HMOX2: variants seen among roughly 807,000 people sequenced by gnomAD.
HMOX2 encodes the protein heme oxygenase 2, also known as heme oxygenase (decycling) 2.
HMOX2 carries 30 observed loss-of-function variants against 33.7 expected under a neutral mutation model. The observed-to-expected ratio is 0.89, with a 90% CI of 0.67 to 1.21. The LOEUF (loss-of-function observed/expected upper bound fraction) is 1.21. HMOX2 is among the 50% of genes most tolerant of loss of function. HMOX2 has a pLI of 0.00. For missense variants in HMOX2, 403 were observed against 399.1 expected (o/e 1.01, Z -0.08); for synonymous variants, 155 against 155.0 (o/e 1.00, Z 0.00).
At chr16:4,490,197 A>G (rs921973573) in intron 1 of HMOX2, among the ~76,000 whole-genome samples, 4 of 152,168 alleles carry the variant, frequency 2.6e-5, no homozygotes, top group African/African-American at 4.8e-5. Context: ...ATTATCACTT[A>G]TGTTGTTTTT....
intron 4 of HMOX2, 104 bp downstream of exon 4, chr16:4,508,308 G>T: frequency 7.6e-7 from 1 of 1,320,658 alleles, no homozygotes; most frequent in Non-Finnish European, 1.0e-6. Context: ...TAGGACAGAT[G>T]AGCTGCAGGG....
At chr16:4,502,061 CA>C (rs1179269201) in intron 1 of HMOX2, among the ~76,000 whole-genome samples, 1 of 152,140 alleles carries the variant, frequency 6.6e-6, no homozygotes, top group Non-Finnish European at 1.5e-5. Context: ...CAGCAGATTA[CA>C]AAAAATTGCC....
intron 1 of HMOX2, among the ~76,000 whole-genome samples, chr16:4,493,766 A>G (rs902591113): frequency 3.9e-5 from 6 of 152,236 alleles, no homozygotes; most frequent in Non-Finnish European, 8.8e-5. Flanking sequence ...TGAACACATT[A>G]GTATTGTGCT....
chr16:4,497,265 G>T (rs1446253115), intron 1 of HMOX2, among the ~76,000 whole-genome samples: 1 of 152,132 alleles, frequency 6.6e-6, no homozygotes, highest in East Asian at 1.9e-4. Flanking sequence ...TTCAGTGTTG[G>T]AATAATTTTT....
intron 1 of HMOX2, among the ~76,000 whole-genome samples, chr16:4,479,187 T>G (rs1336002948): frequency 6.6e-6 from 1 of 151,992 alleles, no homozygotes; most frequent in African/African-American, 2.4e-5. Context: ...GAACAATAAG[T>G]AGGATGCTAG....
At chr16:4,488,988 G>A (rs11645519) in intron 1 of HMOX2, among the ~76,000 whole-genome samples, 82,447 of 151,930 alleles carry the variant, frequency 0.54, 25,738 homozygotes, top group Non-Finnish European at 0.7. Flanking sequence ...ACCACGCCCA[G>A]CTAATTTTTG....
intron 1 of HMOX2, among the ~76,000 whole-genome samples, chr16:4,481,309 A>G (rs1271994919): frequency 6.7e-6 from 1 of 149,130 alleles, no homozygotes; most frequent in African/African-American, 2.5e-5. Flanking sequence ...AGATCGCGCC[A>G]CTGCGCTCCA....
intron 1 of HMOX2, among the ~76,000 whole-genome samples, chr16:4,484,971 T>G (rs902534045): frequency 6.6e-6 from 1 of 151,564 alleles, no homozygotes; most frequent in Non-Finnish European, 1.5e-5. Flanking sequence ...CCCTGAAGAT[T>G]GATTGGTTGA....
intron 1 of HMOX2, among the ~76,000 whole-genome samples, chr16:4,490,408 A>T (rs2058276634): frequency 6.6e-6 from 1 of 152,182 alleles, no homozygotes; most frequent in Non-Finnish European, 1.5e-5. Context: ...AGCTAGTAGC[A>T]GACCTGGTAG....
chr16:4,478,674 A>G (rs1001422660), intron 1 of HMOX2, among the ~76,000 whole-genome samples: 2 of 152,054 alleles, frequency 1.3e-5, no homozygotes, highest in Non-Finnish European at 2.9e-5. Context: ...CCGAGGCAGG[A>G]GAATCACTTG....
At chr16:4,506,792 C>A in intron 2 of HMOX2, 103 bp from the exon 3 acceptor site, 1 of 788,782 alleles carries the variant, frequency 1.3e-6, no homozygotes, top group Non-Finnish European at 2.2e-6. Flanking sequence ...TCCAGTACAA[C>A]AGGTGGTCAC....
chr16:4,499,003 G>A (rs760335726), intron 1 of HMOX2, among the ~76,000 whole-genome samples: 4 of 152,218 alleles, frequency 2.6e-5, no homozygotes, highest in Admixed American at 6.5e-5. Context: ...CTAGCCTCCA[G>A]TGCTCACGTG....
chr16:4,495,864 C>T (rs904410949), intron 1 of HMOX2: 3 of 152,242 alleles, frequency 2.0e-5, no homozygotes, highest in African/African-American at 7.2e-5. Flanking sequence ...CTTCATTGTC[C>T]ACTAAGGTCT....
chr16:4,487,575 G>A (rs2058200604), intron 1 of HMOX2, among the ~76,000 whole-genome samples: 1 of 152,152 alleles, frequency 6.6e-6, no homozygotes, highest in Admixed American at 6.5e-5. Context: ...AGGCCGAGGC[G>A]GGTGGATCAC....
At position 4,509,609 on chromosome 16, in the gene HMOX2, C is replaced by T. The variant is rs1310634242; in HGVS notation, c.824-20C>T. 20 of 1,613,536 alleles carry T rather than the reference C, an allele frequency of 1.2e-5. No homozygotes were observed. Among genetic ancestry groups the T allele is most frequent in the Non-Finnish European group, 1.7e-5 (20 of 1,179,472 alleles). ...GGAGACTCCACTGATGCCATGTCTC[C>T]TATTGGTGCTGCCACACAGGTGCCC... is the stretch of plus-strand genomic sequence containing the variant. On this transcript the variant is annotated intron_variant, in intron 5 of 5. Coordinates refer to ENST00000570646, the MANE Select transcript of HMOX2 (RefSeq NM_002134.4).
intron 1 of HMOX2, among the ~76,000 whole-genome samples, chr16:4,491,962 G>A (rs185841810): frequency 6.6e-6 from 1 of 152,140 alleles, no homozygotes. Flanking sequence ...GATTACAGGT[G>A]TGAGCCACTG....
chr16:4,509,765 T>C lies in HMOX2; in HGVS notation c.*9T>C, dbSNP rs41282051. ...CCTGGTACTACATGTGAAGCACCCA[T>C]CATGCCACACCGGTACCCTCCTCCC... On this transcript the variant is annotated 3_prime_UTR_variant, in exon 6 of 6. Coordinates refer to ENST00000570646, the MANE Select transcript of HMOX2 (RefSeq NM_002134.4). 4,464 of 1,610,836 alleles carry C rather than the reference T, an allele frequency of 2.8e-3. 8 individuals carry two copies. Among genetic ancestry groups the C allele is most frequent in the Non-Finnish European group, 2.9e-3 (3,434 of 1,178,926 alleles).
chr16:4,500,332 G>A (rs972444566), intron 1 of HMOX2, among the ~76,000 whole-genome samples: 3 of 152,228 alleles, frequency 2.0e-5, no homozygotes, highest in African/African-American at 7.2e-5. Flanking sequence ...TGGAGTCCCA[G>A]TGCAGAAGTC....
intron 1 of HMOX2, among the ~76,000 whole-genome samples, chr16:4,491,739 C>T (rs1189560933): frequency 6.6e-6 from 1 of 151,978 alleles, no homozygotes; most frequent in African/African-American, 2.4e-5. Flanking sequence ...GATGGAATCT[C>T]ACTCTGTCAC....
Sources: allele counts gnomAD v4.1 joint callset (sites outside exome capture counted in the v4.1 genomes callset), GRCh38; gene constraint gnomAD v4.1.1; transcripts MANE v1.5; gene names NCBI Gene and HGNC (gene_info 2026-07-23, HGNC 2026-07-21).